CBR3: variants seen among roughly 807,000 people sequenced by gnomAD.
CBR3 encodes carbonyl reductase [NADPH] 3.
Under a neutral mutation model 11.6 loss-of-function variants are expected in CBR3, and 14 were observed. The ratio of observed to expected loss-of-function variants is 1.20; its 90% confidence interval spans 0.79 to 1.88. The LOEUF (loss-of-function observed/expected upper bound fraction) is 1.88, where lower values mean the gene tolerates loss of function less well. Ranked by LOEUF, CBR3 falls within the 40% of genes most tolerant of loss-of-function variation. The pLI is 0.00. For missense variants in CBR3, 308 were observed against 357.3 expected, an observed-to-expected ratio of 0.86 and a Z score of 1.11; for synonymous variants, 125 against 145.6, an observed-to-expected ratio of 0.86 and a Z score of 1.02.
At chr21:36,138,895 A>C (rs2065685595) in intron 2 of CBR3, 1 of 151,414 alleles carries the variant, frequency 6.6e-6, no homozygotes, top group South Asian at 2.1e-4. Context: ...ACAGGTGTGC[A>C]CCACCACGCC....
At chr21:36,141,895 C>G (rs1488705370) in intron 2 of CBR3, 1 of 981,484 alleles carries the variant, frequency 1.0e-6, no homozygotes, top group Non-Finnish European at 1.2e-6. Flanking sequence ...TTCTTTCTTC[C>G]TTTCCCATTC....
At chr21:36,142,013 ACT>A (rs2065713140) in intron 2 of CBR3, 1 of 567,958 alleles carries the variant, frequency 1.8e-6, no homozygotes, top group African/African-American at 2.0e-5. Flanking sequence ...TATTGATGTG[ACT>A]CTCCTCATGA....
intron 1 of CBR3, chr21:36,135,720 G>T (rs1036980783): frequency 1.9e-5 from 9 of 471,034 alleles, no homozygotes; most frequent in Non-Finnish European, 3.0e-5. Flanking sequence ...GCCTGTGCGC[G>T]GCCCGGGGCC....
At chr21:36,145,775 C>A (rs2065748748) in intron 2 of CBR3, among the ~76,000 whole-genome samples, 1 of 152,080 alleles carries the variant, frequency 6.6e-6, no homozygotes, top group African/African-American at 2.4e-5. Flanking sequence ...GCCTGGCCAA[C>A]ATGGTGAGAC....
At chr21:36,142,235 A>G (rs1338999554) in intron 2 of CBR3, among the ~76,000 whole-genome samples, 1 of 152,030 alleles carries the variant, frequency 6.6e-6, no homozygotes, top group African/African-American at 2.4e-5. Context: ...GATTGAGACT[A>G]TCCTCGCTAA....
intron 2 of CBR3, 124 bp from the exon 3 acceptor site, chr21:36,145,952 C>T: frequency 1.4e-6 from 1 of 697,422 alleles, no homozygotes; most frequent in Non-Finnish European, 2.3e-6. Context: ...CAGGGCGAGA[C>T]TCTGTCTCAA....
At chr21:36,140,146 C>T (rs762123318) in intron 2 of CBR3, among the ~76,000 whole-genome samples, 18 of 151,994 alleles carry the variant, frequency 1.2e-4, no homozygotes, top group Non-Finnish European at 2.2e-4. Context: ...GCCTTGGCCT[C>T]CCAAAATGCT....
chr21:36,145,803 T>C (rs952301110), intron 2 of CBR3, among the ~76,000 whole-genome samples: 1 of 151,908 alleles, frequency 6.6e-6, no homozygotes, highest in Non-Finnish European at 1.5e-5. Flanking sequence ...CTACTAAAAA[T>C]ACAAAAATTA....
chr21:36,143,234 T>G (rs9282629), intron 2 of CBR3, among the ~76,000 whole-genome samples: 2 of 151,186 alleles, frequency 1.3e-5, no homozygotes, highest in African/African-American at 4.9e-5. Flanking sequence ...AAACCCGAGA[T>G]AGAGGTTGCA....
chr21:36,142,444 A>AAAAAAAAAAAAAAC (rs1568981461), intron 2 of CBR3, among the ~76,000 whole-genome samples: 3 of 150,288 alleles, frequency 2.0e-5, no homozygotes, highest in Non-Finnish European at 4.4e-5. Context: ...AAAAAAAAAA[A>AAAAAAAAAAAAAAC]AAAACGCAAT....
At chr21:36,144,670 C>T (rs563003855) in intron 2 of CBR3, among the ~76,000 whole-genome samples, 1 of 16,494 alleles carries the variant, frequency 6.1e-5, no homozygotes, top group Admixed American at 5.5e-4. Flanking sequence ...TAGTGGCTCA[C>T]GCCTGTAATT....
chr21:36,136,256 C>G (rs925902628), intron 1 of CBR3, among the ~76,000 whole-genome samples: 1 of 150,684 alleles, frequency 6.6e-6, no homozygotes, highest in Admixed American at 6.6e-5. Context: ...AGGCAGTGAG[C>G]CGAGATCGCG....
intron 2 of CBR3, among the ~76,000 whole-genome samples, chr21:36,142,331 C>G (rs1384868435): frequency 6.7e-6 from 1 of 148,416 alleles, no homozygotes; most frequent in African/African-American, 2.5e-5. Context: ...ACTTGGGAGA[C>G]TGAGGCAGGA....
intron 1 of CBR3, 85 bp from the exon 2 acceptor site, chr21:36,137,740 T>C: frequency 1.3e-6 from 1 of 761,874 alleles, no homozygotes; most frequent in Non-Finnish European, 2.3e-6. Flanking sequence ...TTTCCTTTAG[T>C]TGTTAGGAGT....
At chr21:36,135,692 G>A (rs1467193524) in intron 1 of CBR3, 4 of 527,756 alleles carry the variant, frequency 7.6e-6, no homozygotes, top group Non-Finnish European at 1.3e-5. Flanking sequence ...AGCGCGCCCC[G>A]CCCGCCGGCC....
intron 2 of CBR3, among the ~76,000 whole-genome samples, chr21:36,143,944 C>T (rs1047539611): frequency 2.6e-5 from 4 of 151,080 alleles, no homozygotes; most frequent in Non-Finnish European, 5.9e-5. Context: ...CCATTCCACA[C>T]GTGAAGTGTC....
chr21:36,140,969 C>G (rs1240931319), intron 2 of CBR3, among the ~76,000 whole-genome samples: 1 of 141,798 alleles, frequency 7.1e-6, no homozygotes, highest in Non-Finnish European at 1.5e-5. Flanking sequence ...GATCGCGCCA[C>G]TGCACTCCAG....
intron 2 of CBR3, among the ~76,000 whole-genome samples, chr21:36,139,803 T>A (rs1203868830): frequency 6.6e-6 from 1 of 151,504 alleles, no homozygotes; most frequent in Non-Finnish European, 1.5e-5. Flanking sequence ...AGCCCACGAG[T>A]TTAAGACCAG....
chr21:36,143,547 AT>A (rs2065729851), intron 2 of CBR3, among the ~76,000 whole-genome samples: 1 of 152,134 alleles, frequency 6.6e-6, no homozygotes, highest in African/African-American at 2.4e-5. Flanking sequence ...TTAATTCATA[AT>A]TTAATGAATA....
Sources: gnomAD v4.1 joint callset for allele counts (sites outside exome capture counted in the v4.1 genomes callset) on GRCh38, gnomAD v4.1.1 for gene constraint, MANE v1.5 for transcripts, NCBI Gene and HGNC (gene_info 2026-07-23, HGNC 2026-07-21) for gene names.